SALL3: variants seen among roughly 807,000 people sequenced by gnomAD.
SALL3 encodes the protein spalt like transcription factor 3, also known as sal-like protein 3.
SALL3 carries 25 observed loss-of-function variants against 66.2 expected under a neutral mutation model. That is an observed-to-expected ratio of 0.38 (90% CI 0.28 to 0.53). The LOEUF (loss-of-function observed/expected upper bound fraction) is 0.53. Among genes scored for constraint, SALL3 ranks in the 20% least tolerant of loss-of-function variants. The pLI is 0.85. For missense variants in SALL3, 2,194 were observed against 1,916.5 expected (o/e 1.14, Z -2.70); for synonymous variants, 1,152 against 899.1 (o/e 1.28, Z -5.03).
intron 1 of SALL3, among the ~76,000 whole-genome samples, chr18:78,980,810 G>A (rs987245024): frequency 9.9e-5 from 15 of 152,070 alleles, no homozygotes; most frequent in African/African-American, 3.4e-4. Flanking sequence ...TTTGTTCGGG[G>A]GCCCGCGGCC....
chr18:78,994,452 C>T lies in SALL3; in HGVS notation c.2461C>T (p.Pro821Ser). ...LKDAATDPAK[P>S]LLSYAGSCPP... ...GGACGCGGCCACCGACCCGGCCAAG[C>T]CACTCCTGTCCTACGCGGGGTCCTG... The change falls in exon 2 of 3, where the codon CCA becomes TCA. Residue 821 changes from proline (P) to serine (S), a missense_variant. Coordinates refer to ENST00000537592, the MANE Select transcript of SALL3 (RefSeq NM_171999.4). 1 of 1,612,634 alleles carries T rather than the reference C, an allele frequency of 6.2e-7. No individual in the cohort carries two copies. The highest frequency in any genetic ancestry group is 8.5e-7 in the Non-Finnish European group (1 of 1,179,830).
Position 78,994,524 on chromosome 18 carries a change from A to C in SALL3, c.2533A>C (p.Asn845His). 2 of 1,446,624 alleles carry C rather than the reference A, an allele frequency of 1.4e-6. No homozygotes were observed. The highest frequency in any genetic ancestry group is 1.8e-6 in the Non-Finnish European group (2 of 1,081,272). 89.6% of individuals were successfully genotyped at this position (1,446,624 alleles called of 1,614,324 possible). ...CATCTCCAGCATTGCCGCCCTGGAG[A>C]ACCAGATGAAGATGATCGACTCGGT... Reference protein sequence around the residue: ...SVISSIAALENQMKMIDSVMS... With the variant: ...SVISSIAALEHQMKMIDSVMS... Residue 845 changes from asparagine to histidine, a missense_variant, in exon 2 of 3, where the codon AAC (asparagine) becomes CAC (histidine). Coordinates refer to ENST00000537592, the MANE Select transcript of SALL3 (RefSeq NM_171999.4).
At chr18:78,986,844 A>C (rs1480679054) in intron 1 of SALL3, among the ~76,000 whole-genome samples, 2 of 152,232 alleles carry the variant, frequency 1.3e-5, no homozygotes, top group African/African-American at 4.8e-5. Context: ...AAATTACAGA[A>C]CACCTATATT....
rs377655976 is a variant in SALL3 at position 78,992,106 on chromosome 18, A to G, written c.115A>G (p.Ser39Gly). 7 of 1,581,826 alleles carry G rather than the reference A, an allele frequency of 4.4e-6. No individual in the cohort carries two copies. The highest frequency in any genetic ancestry group is 2.7e-5 in the African/African-American group (2 of 74,056). Residue 39 changes from serine to glycine, a missense_variant, in exon 2 of 3, where the codon AGC becomes GGC. Coordinates refer to ENST00000537592, the MANE Select transcript of SALL3 (RefSeq NM_171999.4). ...GGGGGAAGGTGCGGAGGACGCAGACAGCGGGCCCGAGAGCCGCAGCGGGGG... is the reference window on the plus strand; with the variant it reads ...GGGGGAAGGTGCGGAGGACGCAGACGGCGGGCCCGAGAGCCGCAGCGGGGG... ...APGEGAEDAD[S>G]GPESRSGGEE...
intron 1 of SALL3, among the ~76,000 whole-genome samples, chr18:78,984,654 C>A (rs1914180111): frequency 6.6e-6 from 1 of 151,746 alleles, no homozygotes; most frequent in Non-Finnish European, 1.5e-5. Flanking sequence ...AGGGTTATTT[C>A]TCATGTAATT....
In SALL3 at chr18:78,992,519, G is replaced by A. The variant is rs1026506465; in HGVS notation, c.528G>A (p.Val176=). ...TGGAGGCGCTGCTGAGCACCAAGGT[G>A]GCGGTGGCGCAGTTCTCGCAGGGCG... ...VTLEALLSTK[V]AVAQFSQGAR... Residue 176 remains valine, a synonymous_variant, in exon 2 of 3, where the codon GTG becomes GTA. Coordinates refer to ENST00000537592, the MANE Select transcript of SALL3 (RefSeq NM_171999.4). 3.4e-6 allele frequency: 5 copies of A among 1,486,266 alleles called. No individual in the cohort carries two copies. The African/African-American group carries it at 7.3e-5, about 22-fold the overall frequency. 92.1% of individuals were successfully genotyped at this position (1,486,266 alleles called of 1,614,324 possible). A position where few individuals can be genotyped will look rare whatever the true frequency, so the allele number is the denominator to read the frequency against.
Position 78,994,276 on chromosome 18 carries a change from T to C in SALL3, c.2285T>C (p.Met762Thr), listed in dbSNP as rs1914594732. ...CTGCAGCAGCACATCCGCATGCACA[T>C]GGGCGGCCAGATCCCCAACACGCCG... ...VVLQQHIRMH[M>T]GGQIPNTPLP... The change falls in exon 2 of 3, where the codon ATG (methionine) becomes ACG (threonine). Residue 762 changes from methionine (M) to threonine (T), a missense_variant. Met to Thr is a moderately conservative substitution (Grantham distance 81). Transcript: ENST00000537592. 4 of 1,613,740 alleles carry C rather than the reference T, an allele frequency of 2.5e-6. No homozygotes were observed. Among genetic ancestry groups the C allele is most frequent in the Non-Finnish European group, 3.4e-6 (4 of 1,180,008 alleles).
intron 1 of SALL3, among the ~76,000 whole-genome samples, chr18:78,984,391 A>T (rs1357596704): frequency 7.2e-6 from 1 of 138,400 alleles, no homozygotes; most frequent in Non-Finnish European, 1.6e-5. Flanking sequence ...CAGTGCTGCA[A>T]GATAGTTTCA....
At chr18:78,995,996 C>G (rs1235565666) in intron 2 of SALL3, among the ~76,000 whole-genome samples, 2 of 152,090 alleles carry the variant, frequency 1.3e-5, no homozygotes, top group Non-Finnish European at 1.5e-5. Flanking sequence ...GGGCCTGAAG[C>G]CCTCTTGAAT....
rs771761995 is a variant in SALL3, at chr18:78,992,467, A to G, written c.476A>G (p.Tyr159Cys). 5.5e-6 allele frequency: 8 copies of G among 1,443,148 alleles called. No homozygotes were observed. The highest frequency in any genetic ancestry group is 3.0e-5 in the African/African-American group (2 of 66,210). The allele number at this position is 1,443,148 out of a possible 1,614,324, so 89.4% of individuals were successfully genotyped here. Reference protein sequence around the residue: ...PAAPAPPTPAYGAPSTNVTLE... With the variant: ...PAAPAPPTPACGAPSTNVTLE... ...GCCCCTGCACCCCCAACGCCCGCCT[A>G]CGGCGCGCCCAGCACCAACGTGACC... is the stretch of plus-strand genomic sequence containing the variant. The change falls in exon 2 of 3, where the codon TAC (tyrosine) becomes TGC (cysteine). Residue 159 changes from tyrosine (Y) to cysteine (C), a missense_variant. Physicochemically the swap from Tyr to Cys is radical, Grantham distance 194. Transcript: ENST00000537592.
Position 78,992,531 on chromosome 18 carries a change from G to A in SALL3, c.540G>A (p.Gln180=). ...TGAGCACCAAGGTGGCGGTGGCGCA[G>A]TTCTCGCAGGGCGCGCGCGCGGCAG... is the stretch of plus-strand genomic sequence containing the variant. ...ALLSTKVAVA[Q]FSQGARAAGG... Residue 180 remains glutamine (Q), a synonymous_variant, in exon 2 of 3, where the codon CAG becomes CAA. Coordinates refer to ENST00000537592, the MANE Select transcript of SALL3 (RefSeq NM_171999.4). 1 of 1,494,056 alleles carries A rather than the reference G, an allele frequency of 6.7e-7. No homozygotes were observed. Among genetic ancestry groups the A allele is most frequent in the South Asian group, 1.2e-5 (1 of 81,374 alleles). The allele number at this position is 1,494,056 out of a possible 1,614,324, so 92.5% of individuals were successfully genotyped here.
chr18:78,991,172 TTAAA>T (rs1343356109), intron 1 of SALL3, among the ~76,000 whole-genome samples: 4 of 152,176 alleles, frequency 2.6e-5, no homozygotes, highest in South Asian at 2.1e-4. Context: ...TAAATGAACT[TTAAA>T]TATATAATTT....
Position 78,980,366 on chromosome 18 carries a change from G to C in SALL3, c.82+10G>C, listed in dbSNP as rs1470628178. 35 of 1,404,240 alleles carry C rather than the reference G, an allele frequency of 2.5e-5. No individual in the cohort carries two copies. The highest frequency in any genetic ancestry group is 3.2e-5 in the Non-Finnish European group (34 of 1,070,174). 87.0% of individuals were successfully genotyped at this position (1,404,240 alleles called of 1,614,324 possible). A position where few individuals can be genotyped will look rare whatever the true frequency, so the allele number is the denominator to read the frequency against. ...GGGGCTCCCGAGCACGGTGAGGGCC[G>C]GGGCTGCGGGGTGGCCGGGGGGTCT... On this transcript the variant is annotated intron_variant, in intron 1 of 2. Transcript: ENST00000537592.
At chr18:78,981,492 C>T (rs1295159437) in intron 1 of SALL3, among the ~76,000 whole-genome samples, 3 of 152,210 alleles carry the variant, frequency 2.0e-5, no homozygotes, top group African/African-American at 7.2e-5. Context: ...GGAAACGGGG[C>T]GGAAGAGTTT....
intron 2 of SALL3, among the ~76,000 whole-genome samples, chr18:78,996,366 T>G (rs1317209276): frequency 6.6e-6 from 1 of 152,222 alleles, no homozygotes; most frequent in Admixed American, 6.5e-5. Context: ...ATGCCTGTGG[T>G]TTCTACCTGG....
rs531669842 is a variant in SALL3 at position 78,991,231 on chromosome 18, A to G, written c.83-843A>G. On this transcript the variant is annotated intron_variant, in intron 1 of 2. Transcript: ENST00000537592. ...CTGAATTCTATTGGCTAATAACAGT[A>G]ACATGTAATTTTAGTTCATTTTGCC... 9.2e-5 allele frequency among the ~76,000 whole-genome samples: 14 copies of G among 152,340 alleles called. No homozygotes were observed. In the East Asian group the frequency reaches 1.7e-3, roughly 19 times the overall value.
At position 78,993,183 on chromosome 18, in the gene SALL3, A is replaced by G; in HGVS notation, c.1192A>G (p.Lys398Glu). Residue 398 changes from lysine to glutamate, a missense_variant, in exon 2 of 3, where the codon AAG (lysine) becomes GAG (glutamate). Physicochemically the swap from Lys to Glu is moderately conservative, Grantham distance 56. Coordinates refer to ENST00000537592, the MANE Select transcript of SALL3 (RefSeq NM_171999.4). Reference protein sequence around the residue: ...DPLSALMKHRKGKPPNVSVFE... With the variant: ...DPLSALMKHREGKPPNVSVFE... ...GCTGTCCGCGCTCATGAAGCACCGC[A>G]AGGGCAAGCCGCCCAATGTGTCGGT... 1.9e-6 allele frequency: 3 copies of G among 1,610,524 alleles called. No individual in the cohort carries two copies. The highest frequency in any genetic ancestry group is 1.1e-5 in the South Asian group (1 of 90,690).
At chr18:78,991,020 A>C (rs1214515998) in intron 1 of SALL3, among the ~76,000 whole-genome samples, 3 of 152,238 alleles carry the variant, frequency 2.0e-5, no homozygotes, top group Non-Finnish European at 2.9e-5. Flanking sequence ...TGCCTACAAC[A>C]GTAATTAAAC....
chr18:78,993,911 C>G lies in SALL3; in HGVS notation c.1920C>G (p.Ser640=). Residue 640 remains serine, a synonymous_variant, in exon 2 of 3, where the codon TCC becomes TCG. Transcript: ENST00000537592. The stretch of plus-strand genomic sequence containing the variant: ...GCAGCCCCGGGCTGCCCGCCGTCTC[C>G]GAGCAGTTCAAGGCCCAGTTTCCGT... ...SLGSPGLPAV[S]EQFKAQFPFG... 3.7e-6 allele frequency: 6 copies of G among 1,600,048 alleles called. No individual in the cohort carries two copies. In the South Asian group the frequency reaches 5.6e-5, roughly 15 times the overall value.
Sources: allele counts gnomAD v4.1 joint callset (sites outside exome capture counted in the v4.1 genomes callset), GRCh38; gene constraint gnomAD v4.1.1; transcripts MANE v1.5; gene names NCBI Gene and HGNC (gene_info 2026-07-23, HGNC 2026-07-21).